The following LIPA variants were observed in gnomAD, a reference collection of about 807,000 sequenced individuals.
The protein encoded by LIPA is lysosomal acid lipase/cholesteryl ester hydrolase.
Under a neutral mutation model 40.6 loss-of-function variants are expected in LIPA, and 26 were observed. The observed-to-expected ratio is 0.64, with a 90% CI of 0.47 to 0.89. LIPA has a LOEUF of 0.89. Ranked by LOEUF, LIPA falls within the 40% of genes least tolerant of loss-of-function variation. The pLI is 0.00. For missense variants in LIPA, 455 were observed against 479.6 expected, an observed-to-expected ratio of 0.95 and a Z score of 0.48; for synonymous variants, 188 against 168.4, an observed-to-expected ratio of 1.12 and a Z score of -0.90.
chr10:89,267,719 T>TA (rs1843244801), intron 1 of LIPA, among the ~76,000 whole-genome samples: 2 of 107,592 alleles, frequency 1.9e-5, no homozygotes. Context: ...CCCTAAAACT[T>TA]AAAGTATAAT....
chr10:89,246,250 C>T (rs567254785), intron 2 of LIPA, among the ~76,000 whole-genome samples: 11 of 152,160 alleles, frequency 7.2e-5, no homozygotes, highest in African/African-American at 2.7e-4. Context: ...AAAATAATTA[C>T]ATAGAATGTC....
At chr10:89,277,284 C>G (rs181191110) in intron 1 of LIPA, among the ~76,000 whole-genome samples, 31 of 152,290 alleles carry the variant, frequency 2.0e-4, no homozygotes, top group Admixed American at 5.2e-4. Context: ...TACAAGTGTG[C>G]GATCTTATAC....
At chr10:89,218,749 A>C (rs544577177) in intron 8 of LIPA, among the ~76,000 whole-genome samples, 1 of 152,180 alleles carries the variant, frequency 6.6e-6, no homozygotes, top group Non-Finnish European at 1.5e-5. Context: ...GGGTCCCTGC[A>C]TGGCCTCATG....
chr10:89,398,546 C>G (rs1844378009), intron 2 of LIPA, among the ~76,000 whole-genome samples: 2 of 152,180 alleles, frequency 1.3e-5, no homozygotes, highest in Admixed American at 6.5e-5. Context: ...ACCCGGCACC[C>G]TAGTCCCTGT....
Position 89,217,100 on chromosome 10 carries a change from T to A in LIPA, c.895-1091A>T, listed in dbSNP as rs149515463. On this transcript the variant is annotated intron_variant, in intron 8 of 9. Transcript: ENST00000336233. ...CCTCTACACTCTCAAATTAAATGTA[T>A]GTCAAAAATTAAACACAAAATTGGC... is the stretch of plus-strand genomic sequence containing the variant. Among the ~76,000 whole-genome samples, 419 of 152,364 alleles carry A rather than the reference T, an allele frequency of 2.7e-3. 1 individual carries two copies. Among genetic ancestry groups the A allele is most frequent in the African/African-American group, 9.2e-3 (382 of 41,592 alleles).
intron 1 of LIPA, chr10:89,340,996 A>G (rs1035844730): frequency 3.3e-5 from 5 of 152,254 alleles, no homozygotes; most frequent in African/African-American, 1.2e-4. Context: ...TGGTTTGTGT[A>G]TGGGACTATA....
intron 4 of LIPA, among the ~76,000 whole-genome samples, chr10:89,227,700 A>AT (rs1842787816): frequency 6.6e-6 from 1 of 152,114 alleles, no homozygotes; most frequent in Admixed American, 6.6e-5. Context: ...CCTTCTCTGC[A>AT]CCCTCTCCTT....
chr10:89,368,545 A>T (rs922072270), intron 2 of LIPA, among the ~76,000 whole-genome samples: 2 of 152,218 alleles, frequency 1.3e-5, no homozygotes, highest in African/African-American at 4.8e-5. Context: ...TCATGGGCTT[A>T]CTGCTCTCTT....
At chr10:89,237,350 G>A (rs1291701978) in intron 3 of LIPA, among the ~76,000 whole-genome samples, 1 of 152,036 alleles carries the variant, frequency 6.6e-6, no homozygotes, top group East Asian at 1.9e-4. Context: ...CAAGATAACA[G>A]AAGAAGCAGC....
intron 2 of LIPA, chr10:89,384,223 G>C (rs1195065535): frequency 6.2e-7 from 1 of 1,614,184 alleles, no homozygotes; most frequent in South Asian, 1.1e-5. Context: ...CCAAATCAAG[G>C]AAGCTACAAA....
Position 89,390,624 on chromosome 10 carries a change from G to A in LIPA, c.61+22167C>T, listed in dbSNP as rs193074019. The stretch of plus-strand genomic sequence containing the variant: ...TTTATCTGTAAACACACACACACAC[G>A]CGCGCGATTGGCTTTTCTTTCCTTA... On this transcript the variant is annotated intron_variant, in intron 2 of 8. Transcript: ENST00000371837. 3.0e-4 allele frequency among the ~76,000 whole-genome samples: 45 copies of A among 151,954 alleles called. 1 individual carries two copies. Among genetic ancestry groups the A allele is most frequent in the South Asian group, 6.2e-4 (3 of 4,802 alleles).
At chr10:89,311,524 CAAA>C (rs36010336) in intron 1 of LIPA, among the ~76,000 whole-genome samples, 4 of 73,716 alleles carry the variant, frequency 5.4e-5, no homozygotes, top group Non-Finnish European at 1.1e-4. Flanking sequence ...GACCCTGTCT[CAAA>C]AAAAAAAAAA....
chr10:89,222,654 TTGCCCTTCAAAGCACTAAAAA>T (rs1842715548), intron 7 of LIPA, 72 bp from the exon 8 acceptor site: 1 of 1,039,750 alleles, frequency 9.6e-7, no homozygotes, highest in Admixed American at 1.7e-5. Flanking sequence ...ACATTGTATT[TTGCCCTTCAAAGCACTAAAAA>T]CTAGAGCCAT....
intron 2 of LIPA, among the ~76,000 whole-genome samples, chr10:89,396,508 A>G (rs1844345663): frequency 6.6e-6 from 1 of 152,152 alleles, no homozygotes; most frequent in Admixed American, 6.5e-5. Flanking sequence ...CCCATTCTCA[A>G]AGGATTAATC....
Position 89,385,180 on chromosome 10 carries a change from T to A in LIPA, c.61+27611A>T, listed in dbSNP as rs75504675. 5.7e-3 allele frequency: 904 copies of A among 157,842 alleles called. 14 individuals are homozygous for A. Among genetic ancestry groups the A allele is most frequent in the East Asian group, 0.048 (255 of 5,298 alleles). The allele number at this position is 157,842 out of a possible 1,614,324, so 9.8% of individuals were successfully genotyped here. On this transcript the variant is annotated intron_variant, in intron 2 of 8. Coordinates refer to the LIPA transcript ENST00000371837. The stretch of plus-strand genomic sequence containing the variant: ...GAGTGGTTACCCTCAAGCTTTGTGC[T>A]CAAATAAACTCTATACTTAATCATA...
intron 1 of LIPA, among the ~76,000 whole-genome samples, chr10:89,302,787 A>G (rs1843453536): frequency 6.6e-6 from 1 of 152,096 alleles, no homozygotes; most frequent in Non-Finnish European, 1.5e-5. Flanking sequence ...CCTGGAGAGG[A>G]AGTGTTAGCT....
At chr10:89,286,717 C>T (rs2133502364) in intron 1 of LIPA, among the ~76,000 whole-genome samples, 1 of 152,272 alleles carries the variant, frequency 6.6e-6, no homozygotes, top group South Asian at 2.1e-4. Flanking sequence ...CAATCTGCTC[C>T]CAACATTAAA....
intron 1 of LIPA, among the ~76,000 whole-genome samples, chr10:89,310,936 A>C (rs1176432345): frequency 6.6e-6 from 1 of 152,238 alleles, no homozygotes; most frequent in Non-Finnish European, 1.5e-5. Flanking sequence ...GTAAAATGTA[A>C]AAATATATAG....
chr10:89,304,457 G>A (rs549936832), intron 1 of LIPA, among the ~76,000 whole-genome samples: 1 of 152,234 alleles, frequency 6.6e-6, no homozygotes, highest in Admixed American at 6.5e-5. Flanking sequence ...AGAAAGAGGG[G>A]TCACATAATC....
Sources: allele counts gnomAD v4.1 joint callset (sites outside exome capture counted in the v4.1 genomes callset), GRCh38; gene constraint gnomAD v4.1.1; transcripts MANE v1.5; gene names NCBI Gene and HGNC (gene_info 2026-07-23, HGNC 2026-07-21).